The following COL4A4 variants were observed in gnomAD, a reference collection of about 807,000 sequenced individuals.
COL4A4 encodes collagen alpha-4(IV) chain.
A neutral mutation model predicts 192.9 loss-of-function variants in COL4A4; 105 were observed. The ratio of observed to expected loss-of-function variants is 0.54; its 90% CI spans 0.46 to 0.64. COL4A4 has a LOEUF of 0.64. Ranked by LOEUF, COL4A4 falls within the 30% of genes least tolerant of loss-of-function variation. The pLI is 0.00. For missense variants in COL4A4, 1,967 were observed against 2,169.3 expected (o/e 0.91, Z 1.85); for synonymous variants, 762 against 769.9 (o/e 0.99, Z 0.17).
rs1179808279 is a variant in COL4A4, at chr2:227,027,922, T to A, written c.4061A>T (p.Lys1354Ile). The A allele has an allele frequency of 6.2e-7, 1 of 1,613,644 alleles. No individual in the cohort carries two copies. Among genetic ancestry groups the A allele is most frequent in the East Asian group, 2.2e-5 (1 of 44,876 alleles). The change falls in exon 42 of 48, where the codon AAA becomes ATA. Residue 1354 changes from lysine to isoleucine, a missense_variant. Physicochemically the swap from Lys to Ile is moderately radical, Grantham distance 102. Transcript: ENST00000396625. ...EKGLPGPPGRKGPTGLPGPRG... is the reference protein window; with the variant it reads ...EKGLPGPPGRIGPTGLPGPRG... ...CTCACCCGGAAGACCAGTGGGCCCT[T>A]TTCTCCCTGGAGGTCCAGGTAAACC...
Position 227,032,074 on chromosome 2 carries a change from A to C in COL4A4, c.3707-19T>G, listed in dbSNP as rs1327247377. ...GAACTCCCTAAGAAGAGACATGTTC[A>C]CATGTTATCCTCATTGCATTTGGAA... On this transcript the variant is annotated intron_variant, in intron 39 of 47. Transcript: ENST00000396625. 4 of 1,613,820 alleles carry C rather than the reference A, an allele frequency of 2.5e-6. No homozygotes were observed. In the East Asian group the frequency reaches 8.9e-5, roughly 36 times the overall value.
intron 35 of COL4A4, among the ~76,000 whole-genome samples, chr2:227,045,790 A>G (rs1972376674): frequency 1.7e-5 from 1 of 59,490 alleles, no homozygotes; most frequent in Non-Finnish European, 3.0e-5. Flanking sequence ...ATACATATAT[A>G]TATATATACA....
At chr2:227,066,931 A>G (rs1281803619) in intron 25 of COL4A4, among the ~76,000 whole-genome samples, 1 of 149,996 alleles carries the variant, frequency 6.7e-6, no homozygotes, top group Non-Finnish European at 1.5e-5. Context: ...CAAATTGGAT[A>G]AAGAGTCAAG....
At chr2:227,033,755 G>A (rs1968929069) in intron 37 of COL4A4, among the ~76,000 whole-genome samples, 3 of 152,358 alleles carry the variant, frequency 2.0e-5, no homozygotes, top group Admixed American at 2.0e-4. Context: ...ACCAGATATG[G>A]TCTAGAATTA....
intron 46 of COL4A4, among the ~76,000 whole-genome samples, chr2:227,009,614 C>T (rs1368628415): frequency 2.6e-5 from 4 of 151,838 alleles, no homozygotes; most frequent in African/African-American, 4.8e-5. Flanking sequence ...AGGAGAATCG[C>T]TCGAACCCTG....
At chr2:227,150,232 C>T (rs2063836043) in intron 1 of COL4A4, among the ~76,000 whole-genome samples, 2 of 151,962 alleles carry the variant, frequency 1.3e-5, no homozygotes. Context: ...GGATAACTGG[C>T]CTTGGGAAAA....
In COL4A4 at chr2:227,057,541, C is replaced by A. The variant is rs771148902; in HGVS notation, c.2443G>T (p.Ala815Ser). Residue 815 changes from alanine (A) to serine (S), a missense_variant, in exon 29 of 48, where the codon GCT becomes TCT. Coordinates refer to ENST00000396625, the MANE Select transcript of COL4A4 (RefSeq NM_000092.5). Reference protein sequence around the residue: ...LKGPKGREGHAGFPGVPGPPG... With the variant: ...LKGPKGREGHSGFPGVPGPPG... ...GGACCTGGGACACCTGGAAACCCAG[C>A]ATGTCCCTCTCTGCCTTTGGGACCT... 1.2e-6 allele frequency: 2 copies of A among 1,614,060 alleles called. No individual in the cohort carries two copies. Among genetic ancestry groups the A allele is most frequent in the Non-Finnish European group, 1.7e-6 (2 of 1,180,008 alleles).
chr2:227,157,656 A>G (rs2064462379), intron 1 of COL4A4, among the ~76,000 whole-genome samples: 1 of 152,134 alleles, frequency 6.6e-6, no homozygotes, highest in South Asian at 2.1e-4. Flanking sequence ...ATGTAGAGGA[A>G]ATAAATAATT....
chr2:227,060,558 C>T (rs770778349), intron 26 of COL4A4, among the ~76,000 whole-genome samples: 3 of 152,096 alleles, frequency 2.0e-5, no homozygotes, highest in Non-Finnish European at 2.9e-5. Flanking sequence ...GTCTGAAACA[C>T]GACTATGCAA....
chr2:226,972,113 G>A, the COL4A4 span, among the ~76,000 whole-genome samples: 1 of 152,170 alleles, frequency 6.6e-6, no homozygotes, highest in Admixed American at 6.5e-5. Flanking sequence ...GGTGTGTGCT[G>A]TTCCACTCCC....
the COL4A4 span, chr2:226,997,543 G>T: frequency 6.6e-6 from 1 of 152,112 alleles, no homozygotes; most frequent in African/African-American, 2.4e-5. Context: ...CTCACGATAG[G>T]GGCTCACTAA....
At chr2:227,032,779 C>T (rs1968715361) in intron 38 of COL4A4, among the ~76,000 whole-genome samples, 4 of 152,152 alleles carry the variant, frequency 2.6e-5, no homozygotes, top group Admixed American at 2.6e-4. Flanking sequence ...CACCTCTCTC[C>T]AACAATAAAT....
At chr2:226,987,632 TCC>T in the COL4A4 span, among the ~76,000 whole-genome samples, 1 of 152,140 alleles carries the variant, frequency 6.6e-6, no homozygotes, top group South Asian at 2.1e-4. Context: ...GAGTCAGAGG[TCC>T]AGGCCCCCCT....
intron 4 of COL4A4, among the ~76,000 whole-genome samples, chr2:227,122,224 C>T (rs768783683): frequency 6.6e-6 from 1 of 152,138 alleles, no homozygotes; most frequent in African/African-American, 2.4e-5. Flanking sequence ...AGCGATATCC[C>T]GACCAGGTGC....
intron 7 of COL4A4, among the ~76,000 whole-genome samples, chr2:227,115,529 C>G (rs1022747406): frequency 2.0e-5 from 3 of 152,106 alleles, no homozygotes; most frequent in African/African-American, 7.2e-5. Context: ...GCCTCGGCCT[C>G]CCAAAGTGCT....
the COL4A4 span, among the ~76,000 whole-genome samples, chr2:226,982,369 G>T: frequency 6.6e-6 from 1 of 152,212 alleles, no homozygotes; most frequent in Non-Finnish European, 1.5e-5. Context: ...AATATCCTAG[G>T]TCAGGGATTG....
chr2:227,088,747 C>T lies in COL4A4; in HGVS notation c.1529G>A (p.Arg510Lys), dbSNP rs763691757. 3.7e-6 allele frequency: 6 copies of T among 1,613,970 alleles called. No individual in the cohort carries two copies. The African/African-American group carries it at 4.0e-5, about 11-fold the overall frequency. ...GPPGPPGLPG[R>K]QGSKGDLGLP... Reference sequence around the variant, plus strand: ...CCCCAAGTCTCCCTTACTCCCCTGCCTCCCAGGAAGTCCTGGAGGGCCAGG... The same window carrying T: ...CCCCAAGTCTCCCTTACTCCCCTGCTTCCCAGGAAGTCCTGGAGGGCCAGG... Residue 510 changes from arginine to lysine, a missense_variant, in exon 22 of 48, where the codon AGG becomes AAG. Transcript: ENST00000396625.
the COL4A4 span, among the ~76,000 whole-genome samples, chr2:226,974,878 A>G: frequency 1.3e-5 from 2 of 152,212 alleles, no homozygotes; most frequent in African/African-American, 4.8e-5. Flanking sequence ...GCTCAGGGAC[A>G]TCCTGGAGAT....
intron 1 of COL4A4, among the ~76,000 whole-genome samples, chr2:227,159,276 A>G (rs1410752450): frequency 6.6e-6 from 1 of 152,236 alleles, no homozygotes; most frequent in Admixed American, 6.5e-5. Context: ...AATGAAGTCT[A>G]CAGTGACAGA....
Sources: gnomAD v4.1 joint callset for allele counts (sites outside exome capture counted in the v4.1 genomes callset) on GRCh38, gnomAD v4.1.1 for gene constraint, MANE v1.5 for transcripts, NCBI Gene and HGNC (gene_info 2026-07-23, HGNC 2026-07-21) for gene names.